The following STXBP4 variants were observed in gnomAD, a reference collection of about 807,000 sequenced individuals.
STXBP4 encodes syntaxin binding protein 4.
A neutral mutation model predicts 76.1 loss-of-function variants in STXBP4; 55 were observed. The observed-to-expected ratio is 0.72, with a 90% CI of 0.58 to 0.91. STXBP4 has a LOEUF of 0.91. Ranked by LOEUF, STXBP4 falls within the 40% of genes least tolerant of loss-of-function variation. The pLI is 0.00. For missense variants in STXBP4, 618 were observed against 636.9 expected, an observed-to-expected ratio of 0.97 and a Z score of 0.32; for synonymous variants, 201 against 220.2, an observed-to-expected ratio of 0.91 and a Z score of 0.77.
At chr17:55,103,944 A>G (rs944025392) in intron 16 of STXBP4, among the ~76,000 whole-genome samples, 2 of 152,174 alleles carry the variant, frequency 1.3e-5, no homozygotes, top group Non-Finnish European at 2.9e-5. Context: ...TTATTGGTGT[A>G]TAGGAATGCT....
intron 16 of STXBP4, among the ~76,000 whole-genome samples, chr17:55,099,829 A>G (rs2079542365): frequency 6.6e-6 from 1 of 152,236 alleles, no homozygotes; most frequent in African/African-American, 2.4e-5. Flanking sequence ...ACTCTTGTGT[A>G]TATAGATCCT....
In STXBP4 at chr17:55,016,005, A is replaced by G. The variant is rs1428641888; in HGVS notation, c.666+8408A>G. On this transcript the variant is annotated intron_variant, in intron 8 of 17. Coordinates refer to ENST00000376352, the MANE Select transcript of STXBP4 (RefSeq NM_178509.6). ...GCCAGGCAGTACTGCAGAAGAATAT[A>G]AGTCATAGCGTCTGAGGGTCAAATT... is the stretch of plus-strand genomic sequence containing the variant. 2.0e-5 allele frequency among the ~76,000 whole-genome samples: 3 copies of G among 152,128 alleles called. No homozygotes were observed. In the East Asian group the frequency reaches 5.8e-4, roughly 29 times the overall value.
intron 1 of STXBP4, among the ~76,000 whole-genome samples, chr17:54,984,442 A>G (rs893980193): frequency 7.0e-6 from 1 of 142,866 alleles, no homozygotes; most frequent in Non-Finnish European, 1.5e-5. Context: ...TCCCAGGTTC[A>G]CGCCATTCTC....
intron 17 of STXBP4, among the ~76,000 whole-genome samples, chr17:55,155,044 T>G (rs2080261497): frequency 6.6e-6 from 1 of 152,150 alleles, no homozygotes; most frequent in African/African-American, 2.4e-5. Flanking sequence ...CTCAAAGTGT[T>G]CTGTGATATT....
Position 55,072,937 on chromosome 17 carries a change from G to T in STXBP4, c.1049G>T (p.Arg350Leu), listed in dbSNP as rs763528779. 3 of 1,613,412 alleles carry T rather than the reference G, an allele frequency of 1.9e-6. No homozygotes were observed. Among genetic ancestry groups the T allele is most frequent in the South Asian group, 1.1e-5 (1 of 90,964 alleles). The change falls in exon 13 of 18, where the codon CGT becomes CTT. Residue 350 changes from arginine (R) to leucine (L), a missense_variant. Transcript: ENST00000376352. ...KAVVEETRAL[R>L]SRIHLAEAAQ... ...GTAGTTGAAGAAACAAGAGCCCTGC[G>T]TAGTCGGATTCATCTTGCTGAAGCT...
chr17:55,104,978 C>T (rs1049548687), intron 16 of STXBP4, among the ~76,000 whole-genome samples: 1 of 152,060 alleles, frequency 6.6e-6, no homozygotes, highest in African/African-American at 2.4e-5. Flanking sequence ...ATGGTATCCC[C>T]TTTATCATTT....
intron 12 of STXBP4, 36 bp from the exon 13 acceptor site, chr17:55,072,864 G>A: frequency 6.4e-7 from 1 of 1,552,592 alleles, no homozygotes; most frequent in Non-Finnish European, 8.7e-7. Context: ...TATTTCTTAT[G>A]TATTTTTTAA....
At chr17:55,004,426 G>A (rs2077971235) in intron 7 of STXBP4, among the ~76,000 whole-genome samples, 1 of 152,106 alleles carries the variant, frequency 6.6e-6, no homozygotes, top group African/African-American at 2.4e-5. Flanking sequence ...GAGAGGCCAG[G>A]CATGGTGGCT....
At chr17:55,052,835 C>G (rs1330255217) in intron 12 of STXBP4, among the ~76,000 whole-genome samples, 1 of 139,808 alleles carries the variant, frequency 7.2e-6, no homozygotes, top group Non-Finnish European at 1.5e-5. Context: ...TAACCTGAAT[C>G]TAACCATGAA....
intron 1 of STXBP4, among the ~76,000 whole-genome samples, chr17:54,984,265 C>A (rs753074386): frequency 6.6e-6 from 1 of 151,536 alleles, no homozygotes; most frequent in African/African-American, 2.4e-5. Flanking sequence ...AGTCTTTAAT[C>A]TCTCAGTTTT....
intron 8 of STXBP4, among the ~76,000 whole-genome samples, chr17:55,010,312 G>T (rs188440231): frequency 1.6e-4 from 24 of 151,870 alleles, no homozygotes; most frequent in Non-Finnish European, 1.8e-4. Context: ...ATATACATGT[G>T]GCATTGTCAT....
chr17:55,052,950 T>TGG (rs34509875), intron 12 of STXBP4, among the ~76,000 whole-genome samples: 1 of 133,508 alleles, frequency 7.5e-6, no homozygotes, highest in Non-Finnish European at 1.6e-5. Context: ...TGTGTGTGTG[T>TGG]GGGTTGTATT....
chr17:55,119,956 A>G (rs1383131480), intron 16 of STXBP4, among the ~76,000 whole-genome samples: 1 of 152,138 alleles, frequency 6.6e-6, no homozygotes, highest in Non-Finnish European at 1.5e-5. Flanking sequence ...CTTTAATTAT[A>G]CAGAAAACGT....
intron 17 of STXBP4, among the ~76,000 whole-genome samples, chr17:55,154,186 G>C (rs190638358): frequency 2.0e-5 from 3 of 152,132 alleles, no homozygotes; most frequent in Non-Finnish European, 4.4e-5. Context: ...CTCTACATTC[G>C]GTTGGCGGAT....
intron 2 of STXBP4, 130 bp from the exon 3 acceptor site, chr17:54,986,012 T>C: frequency 1.8e-6 from 1 of 546,520 alleles, no homozygotes; most frequent in Non-Finnish European, 3.2e-6. Context: ...ATACATACAA[T>C]ACATCTAACA....
At chr17:55,125,145 A>C (rs1323174112) in intron 16 of STXBP4, among the ~76,000 whole-genome samples, 1 of 152,210 alleles carries the variant, frequency 6.6e-6, no homozygotes, top group Non-Finnish European at 1.5e-5. Flanking sequence ...CGTACAATTT[A>C]TTCATGTGTG....
chr17:55,023,916 CA>C (rs61454264), intron 8 of STXBP4, among the ~76,000 whole-genome samples: 22,371 of 63,284 alleles, frequency 0.35, 720 homozygotes, highest in South Asian at 0.43. Context: ...GGCCCTTTTC[CA>C]AAAAAAAAAA....
intron 16 of STXBP4, among the ~76,000 whole-genome samples, chr17:55,127,304 T>C (rs1411693947): frequency 6.6e-6 from 1 of 152,216 alleles, no homozygotes; most frequent in Non-Finnish European, 1.5e-5. Context: ...TGTTGAGTGG[T>C]ATTCCATTAT....
At position 55,155,711 on chromosome 17, in the gene STXBP4, T is replaced by A. The variant is rs541610000; in HGVS notation, c.1548-4086T>A. Among the ~76,000 whole-genome samples the A allele has an allele frequency of 2.6e-5, 4 of 152,258 alleles. No individual in the cohort carries two copies. In the East Asian group the frequency reaches 7.7e-4, roughly 29 times the overall value. ...ATGAATTTCTACAGAACAAGTGCCC[T>A]TTTTGTCATTAAATCCTTTTTGTTT... On this transcript the variant is annotated intron_variant, in intron 17 of 17. Coordinates refer to ENST00000376352, the MANE Select transcript of STXBP4 (RefSeq NM_178509.6).
Sources: allele counts gnomAD v4.1 joint callset (sites outside exome capture counted in the v4.1 genomes callset), GRCh38; gene constraint gnomAD v4.1.1; transcripts MANE v1.5; gene names NCBI Gene and HGNC (gene_info 2026-07-23, HGNC 2026-07-21).